Variants in CACNB2 observed in about 807,000 individuals in gnomAD.
CACNB2 encodes voltage-dependent L-type calcium channel subunit beta-2.
In CACNB2, 42 loss-of-function variants were observed where a neutral mutation model predicts 73.3. The observed-to-expected ratio is 0.57, with a 90% confidence interval of 0.45 to 0.74. The LOEUF (loss-of-function observed/expected upper bound fraction) is 0.74, where lower values mean the gene tolerates loss of function less well. Ranked by LOEUF, CACNB2 falls within the 30% of genes least tolerant of loss-of-function variation. CACNB2 has a pLI of 0.00. For synonymous variants in CACNB2, 348 were observed against 310.3 expected, an observed-to-expected ratio of 1.12 and a Z score of -1.28; for missense variants, 940 against 853.0, an observed-to-expected ratio of 1.10 and a Z score of -1.27.
intron 1 of CACNB2, among the ~76,000 whole-genome samples, chr10:18,142,494 C>T (rs971715378): frequency 1.3e-5 from 2 of 152,102 alleles, no homozygotes; most frequent in African/African-American, 4.8e-5. Flanking sequence ...CCGGAGACCT[C>T]GGTTATTCTA....
intron 2 of CACNB2, among the ~76,000 whole-genome samples, chr10:18,172,354 A>T (rs920430264): frequency 2.0e-5 from 3 of 151,952 alleles, no homozygotes; most frequent in African/African-American, 7.3e-5. Flanking sequence ...ACACAGCAAG[A>T]CTCCTTCTCA....
chr10:18,372,370 TA>T (rs1238619966), intron 2 of CACNB2, among the ~76,000 whole-genome samples: 3 of 152,128 alleles, frequency 2.0e-5, no homozygotes, highest in Non-Finnish European at 1.5e-5. Flanking sequence ...CATCTTGAAT[TA>T]GTTTTTGTAT....
rs370717899 is a variant in CACNB2 at position 18,493,316 on chromosome 10, G to T, written c.334-5039G>T. ...CCTGAGTAGCTGGGATTACAGGTCT[G>T]GCCACCACGCCTGGCTAATTTTTGT... On this transcript the variant is annotated intron_variant, in intron 3 of 13. Coordinates refer to ENST00000324631, the MANE Select transcript of CACNB2 (RefSeq NM_201596.3). 3.9e-5 allele frequency among the ~76,000 whole-genome samples: 6 copies of T among 152,106 alleles called. 1 individual carries two copies. Among genetic ancestry groups the T allele is most frequent in the Admixed American group, 6.6e-5 (1 of 15,260 alleles).
At chr10:18,269,414 A>G (rs536033281) in intron 2 of CACNB2, among the ~76,000 whole-genome samples, 1 of 152,296 alleles carries the variant, frequency 6.6e-6, no homozygotes, top group African/African-American at 2.4e-5. Context: ...TACATATGAT[A>G]TATTCAATGT....
intron 3 of CACNB2, among the ~76,000 whole-genome samples, chr10:18,410,683 G>GA (rs903071206): frequency 1.5e-4 from 22 of 149,482 alleles, no homozygotes; most frequent in Admixed American, 4.0e-4. Context: ...TACTTATGGG[G>GA]AAAAAAAAAA....
At chr10:18,212,316 C>G (rs1018931652) in intron 2 of CACNB2, among the ~76,000 whole-genome samples, 3 of 152,100 alleles carry the variant, frequency 2.0e-5, no homozygotes, top group Non-Finnish European at 2.9e-5. Flanking sequence ...CAGTCTGATC[C>G]TCTTCTGCTT....
intron 2 of CACNB2, among the ~76,000 whole-genome samples, chr10:18,393,128 GA>G (rs1270562157): frequency 6.6e-6 from 1 of 151,744 alleles, no homozygotes; most frequent in Admixed American, 6.6e-5. Context: ...AGAATCGCTT[GA>G]ACCCGGGAAG....
At chr10:18,357,096 C>T (rs987494029) in intron 2 of CACNB2, among the ~76,000 whole-genome samples, 22 of 150,686 alleles carry the variant, frequency 1.5e-4, no homozygotes, top group African/African-American at 5.1e-4. Context: ...AGGCGCGCAC[C>T]ACCATGCCCG....
chr10:18,445,446 T>G (rs1466749919), intron 3 of CACNB2, among the ~76,000 whole-genome samples: 1 of 152,210 alleles, frequency 6.6e-6, no homozygotes, highest in Non-Finnish European at 1.5e-5. Flanking sequence ...CAACAGAGTT[T>G]CCAGTGTCAT....
intron 2 of CACNB2, among the ~76,000 whole-genome samples, chr10:18,358,541 T>TCTCTCTCTCTCG (rs1289196741): frequency 2.1e-4 from 7 of 32,658 alleles, no homozygotes; most frequent in East Asian, 1.5e-3. Flanking sequence ...TCTCTCTCTC[T>TCTCTCTCTCTCG]CTCTCTCTCT....
chr10:18,498,331 T>TC lies in CACNB2; in HGVS notation c.334-21dup, dbSNP rs766457517. 8.7e-6 allele frequency: 14 copies of TC among 1,613,836 alleles called. No homozygotes were observed. The African/African-American group carries it at 1.1e-4, about 12-fold the overall frequency. On this transcript the variant is annotated intron_variant, in intron 3 of 13. Coordinates refer to ENST00000324631, the MANE Select transcript of CACNB2 (RefSeq NM_201596.3). ...CAGTGTTGTTTTGCTCTTATTTTTT[T>TC]CCCTCTTCCTTTTCCCACTTTAGAC...
intron 9 of CACNB2, among the ~76,000 whole-genome samples, chr10:18,525,944 C>A (rs974949088): frequency 5.3e-5 from 8 of 152,070 alleles, no homozygotes; most frequent in Non-Finnish European, 1.0e-4. Flanking sequence ...ATAGATAAAA[C>A]CATCTTTTAG....
At chr10:18,409,415 GA>G in intron 3 of CACNB2, among the ~76,000 whole-genome samples, 1 of 152,200 alleles carries the variant, frequency 6.6e-6, no homozygotes, top group East Asian at 1.9e-4. Context: ...TGGGACTACA[GA>G]TATGAACCAC....
intron 2 of CACNB2, among the ~76,000 whole-genome samples, chr10:18,252,047 A>G (rs539879889): frequency 6.6e-4 from 100 of 152,370 alleles, no homozygotes; most frequent in African/African-American, 2.3e-3. Context: ...CTGTATCAGT[A>G]AATAAATGCT....
chr10:18,359,676 C>T (rs1329227475), intron 2 of CACNB2, among the ~76,000 whole-genome samples: 1 of 151,540 alleles, frequency 6.6e-6, no homozygotes, highest in Non-Finnish European at 1.5e-5. Flanking sequence ...CATAGGTATA[C>T]ATATGCCATG....
chr10:18,472,008 G>A lies in CACNB2; in HGVS notation c.334-26347G>A, dbSNP rs141965266. Among the ~76,000 whole-genome samples the A allele has an allele frequency of 4.6e-5, 7 of 152,064 alleles. No individual in the cohort carries two copies. In the East Asian group the frequency reaches 7.8e-4, roughly 17 times the overall value. On this transcript the variant is annotated intron_variant, in intron 3 of 13. Coordinates refer to ENST00000324631, the MANE Select transcript of CACNB2 (RefSeq NM_201596.3). ...CTCACCCCAGACGTGTTCAACTCCC[G>A]TATCTCCCTTTTTCATTACAGTCAT...
intron 2 of CACNB2, among the ~76,000 whole-genome samples, chr10:18,335,017 G>A (rs533010656): frequency 1.3e-4 from 20 of 151,752 alleles, no homozygotes; most frequent in African/African-American, 4.1e-4. Flanking sequence ...GAAAAAAACC[G>A]TGAAAACATG....
At position 18,486,091 on chromosome 10, in the gene CACNB2, A is replaced by T. The variant is rs544860797; in HGVS notation, c.334-12264A>T. Reference sequence around the variant, plus strand: ...TTTGCTATTTAGCATAGTAAAATTCACCTTTGTATTAGGAAATGAAGAAAT... The same window carrying T: ...TTTGCTATTTAGCATAGTAAAATTCTCCTTTGTATTAGGAAATGAAGAAAT... On this transcript the variant is annotated intron_variant, in intron 3 of 13. Coordinates refer to ENST00000324631, the MANE Select transcript of CACNB2 (RefSeq NM_201596.3). 5.9e-5 allele frequency among the ~76,000 whole-genome samples: 9 copies of T among 152,284 alleles called. No individual in the cohort carries two copies. The East Asian group carries it at 1.5e-3, about 26-fold the overall frequency.
chr10:18,388,103 A>G (rs1056202025), intron 2 of CACNB2, among the ~76,000 whole-genome samples: 4 of 152,330 alleles, frequency 2.6e-5, no homozygotes, highest in Middle Eastern at 3.4e-3. Flanking sequence ...CCAAACTGTC[A>G]GGCCATTTTT....
Sources: gnomAD v4.1 joint callset for allele counts (sites outside exome capture counted in the v4.1 genomes callset) on GRCh38, gnomAD v4.1.1 for gene constraint, MANE v1.5 for transcripts, NCBI Gene and HGNC (gene_info 2026-07-23, HGNC 2026-07-21) for gene names.